The following SNCAIP variants were observed in gnomAD, a reference collection of about 807,000 sequenced individuals.
SNCAIP encodes synphilin-1.
Under a neutral mutation model 86.7 loss-of-function variants are expected in SNCAIP, and 43 were observed. The observed-to-expected ratio is 0.50, with a 90% CI of 0.39 to 0.64. The LOEUF is 0.64. Among genes scored for constraint, SNCAIP ranks in the 30% least tolerant of loss-of-function variants. The pLI is 0.00. For missense variants in SNCAIP, 981 were observed against 1,103.1 expected (o/e 0.89, Z 1.57); for synonymous variants, 417 against 427.2 (o/e 0.98, Z 0.29).
At chr5:122,350,061 A>G (rs1759450330) in intron 1 of SNCAIP, among the ~76,000 whole-genome samples, 1 of 152,198 alleles carries the variant, frequency 6.6e-6, no homozygotes, top group Admixed American at 6.5e-5. Flanking sequence ...AAAGGACATA[A>G]TGGTGGGAAG....
chr5:122,312,491 A>C (rs1204955313), intron 1 of SNCAIP: 1 of 152,090 alleles, frequency 6.6e-6, no homozygotes, highest in Non-Finnish European at 1.5e-5. Flanking sequence ...TCTCTATAGT[A>C]ACAGTAACAG....
At chr5:122,322,046 G>A (rs1753053415) in intron 1 of SNCAIP, among the ~76,000 whole-genome samples, 1 of 151,966 alleles carries the variant, frequency 6.6e-6, no homozygotes, top group South Asian at 2.1e-4. Context: ...TTGCAAACAA[G>A]GCCAACTGAC....
intron 1 of SNCAIP, among the ~76,000 whole-genome samples, chr5:122,341,885 C>G (rs1757671639): frequency 6.6e-6 from 1 of 152,110 alleles, no homozygotes; most frequent in African/African-American, 2.4e-5. Flanking sequence ...CTTCCAAAAT[C>G]CTTTGTCTCT....
chr5:122,378,554 A>G (rs1275315129), intron 1 of SNCAIP, among the ~76,000 whole-genome samples: 1 of 142,180 alleles, frequency 7.0e-6, no homozygotes, highest in African/African-American at 2.6e-5. Flanking sequence ...ATTAGATCCC[A>G]TTTGTCAATT....
intron 1 of SNCAIP, among the ~76,000 whole-genome samples, chr5:122,375,422 T>C (rs556657204): frequency 8.5e-4 from 130 of 152,068 alleles, no homozygotes; most frequent in Middle Eastern, 3.4e-3. Context: ...TGTCTTCACA[T>C]ACATTTATGT....
chr5:122,449,464 T>C (rs1324084053), intron 8 of SNCAIP, among the ~76,000 whole-genome samples: 1 of 152,162 alleles, frequency 6.6e-6, no homozygotes. Context: ...TACATATTTA[T>C]ATATATGAAA....
At chr5:122,320,973 T>C (rs900821968) in intron 1 of SNCAIP, among the ~76,000 whole-genome samples, 4 of 152,204 alleles carry the variant, frequency 2.6e-5, no homozygotes, top group South Asian at 4.1e-4. Flanking sequence ...CTGTTGTCTC[T>C]TTCTCATTCC....
In SNCAIP at chr5:122,450,895, A is replaced by G. The variant is rs767300992; in HGVS notation, c.2048A>G (p.Asn683Ser). Residue 683 changes from asparagine (N) to serine (S), a missense_variant, in exon 10 of 11, where the codon AAC becomes AGC. Transcript: ENST00000261368. ...CTGAGTGAGTCTGACACAGACTCCAACAACTCTGAGGACCCCAAGACTACC... is the reference window on the plus strand; with the variant it reads ...CTGAGTGAGTCTGACACAGACTCCAGCAACTCTGAGGACCCCAAGACTACC... Reference protein sequence around the residue: ...RSLSESDTDSNNSEDPKTTPV... With the variant: ...RSLSESDTDSSNSEDPKTTPV... The G allele has an allele frequency of 2.5e-6, 4 of 1,614,114 alleles. No homozygotes were observed. In the Admixed American group the frequency reaches 6.7e-5, roughly 27 times the overall value.
intron 8 of SNCAIP, among the ~76,000 whole-genome samples, chr5:122,446,502 CAGTT>C (rs1782345181): frequency 6.6e-6 from 1 of 152,208 alleles, no homozygotes; most frequent in Non-Finnish European, 1.5e-5. Flanking sequence ...GCTGCTTTCT[CAGTT>C]GGTGATCCTG....
intron 1 of SNCAIP, 170 bp downstream of exon 1, chr5:122,312,454 C>T (rs1172955216): frequency 2.0e-5 from 3 of 152,264 alleles, no homozygotes; most frequent in Non-Finnish European, 2.9e-5. Flanking sequence ...GCAGAGGCGC[C>T]TCTGCAGAAA....
chr5:122,428,750 C>T (rs1236303061), intron 5 of SNCAIP, among the ~76,000 whole-genome samples: 4 of 152,010 alleles, frequency 2.6e-5, no homozygotes, highest in Admixed American at 6.6e-5. Flanking sequence ...CCCATCCCCC[C>T]ACCCCACAAC....
intron 1 of SNCAIP, among the ~76,000 whole-genome samples, chr5:122,333,257 T>C (rs1279557448): frequency 1.3e-5 from 2 of 152,240 alleles, no homozygotes; most frequent in African/African-American, 4.8e-5. Context: ...CATTTTTAGA[T>C]AAATGACTAA....
chr5:122,382,853 C>T (rs1246033020), intron 1 of SNCAIP, among the ~76,000 whole-genome samples: 4 of 152,230 alleles, frequency 2.6e-5, no homozygotes, highest in African/African-American at 9.6e-5. Context: ...TTAGCCTGCT[C>T]GGGGGTCAGG....
intron 7 of SNCAIP, among the ~76,000 whole-genome samples, chr5:122,442,017 G>C (rs952120506): frequency 1.5e-4 from 22 of 151,148 alleles, no homozygotes; most frequent in African/African-American, 4.6e-4. Flanking sequence ...GTCATGATTA[G>C]AGACAAGACT....
chr5:122,449,519 C>A (rs1313874855), intron 8 of SNCAIP, among the ~76,000 whole-genome samples: 1 of 152,064 alleles, frequency 6.6e-6, no homozygotes, highest in Admixed American at 6.5e-5. Context: ...AGGAAGACTT[C>A]TTCTATGTCC....
At chr5:122,409,918 G>A (rs2152892733) in intron 3 of SNCAIP, among the ~76,000 whole-genome samples, 1 of 152,290 alleles carries the variant, frequency 6.6e-6, no homozygotes, top group Middle Eastern at 3.4e-3. Context: ...TGAAAAGCTT[G>A]CTGATTAATC....
intron 6 of SNCAIP, among the ~76,000 whole-genome samples, chr5:122,434,195 G>A (rs113130492): frequency 3.3e-5 from 5 of 152,174 alleles, no homozygotes; most frequent in East Asian, 1.9e-4. Context: ...TCATGTCTCC[G>A]ATTTCATTTG....
intron 1 of SNCAIP, among the ~76,000 whole-genome samples, chr5:122,377,637 T>C (rs954927508): frequency 5.3e-5 from 8 of 151,620 alleles, no homozygotes; most frequent in Non-Finnish European, 7.4e-5. Context: ...GCGCTGCACC[T>C]ACTAACTCGT....
At chr5:122,423,843 T>G in intron 4 of SNCAIP, 104 bp downstream of exon 4, 1 of 1,059,664 alleles carries the variant, frequency 9.4e-7, no homozygotes, top group Non-Finnish European at 1.4e-6. Flanking sequence ...TTTTGGTTTT[T>G]ACTTAATCTT....
Sources: allele counts gnomAD v4.1 joint callset (sites outside exome capture counted in the v4.1 genomes callset), GRCh38; gene constraint gnomAD v4.1.1; transcripts MANE v1.5; gene names NCBI Gene and HGNC (gene_info 2026-07-23, HGNC 2026-07-21).